Variants in LIN7A observed in about 807,000 individuals in gnomAD.
LIN7A encodes the protein lin-7 cell polarity scaffold A, also known as protein lin-7 homolog A.
Under a neutral mutation model 29.8 loss-of-function variants are expected in LIN7A, and 25 were observed. The observed-to-expected ratio is 0.84, with a 90% CI of 0.61 to 1.17. The LOEUF is 1.17. Ranked by LOEUF, LIN7A falls within the 50% of genes most tolerant of loss-of-function variation. The pLI, the probability that LIN7A is intolerant of heterozygous loss-of-function variation, is 0.00. For synonymous variants in LIN7A, 118 were observed against 107.5 expected, an observed-to-expected ratio of 1.10 and a Z score of -0.60; for missense variants, 239 against 287.0, an observed-to-expected ratio of 0.83 and a Z score of 1.21.
intron 2 of LIN7A, among the ~76,000 whole-genome samples, chr12:80,870,119 A>G (rs1357273931): frequency 6.6e-6 from 1 of 152,152 alleles, no homozygotes; most frequent in Non-Finnish European, 1.5e-5. Context: ...TAGGATCTCA[A>G]TGCACATGGT....
chr12:80,885,861 A>G (rs1431421700), intron 2 of LIN7A, among the ~76,000 whole-genome samples: 2 of 151,736 alleles, frequency 1.3e-5, no homozygotes, highest in Non-Finnish European at 2.9e-5. Context: ...GGTTTCATCC[A>G]AATGTAAAGC....
chr12:80,908,821 G>GT (rs1045342283), intron 1 of LIN7A, among the ~76,000 whole-genome samples: 17 of 148,392 alleles, frequency 1.1e-4, no homozygotes, highest in East Asian at 4.0e-4. Context: ...TCTTTTATTC[G>GT]TTTTTTTTTA....
intron 5 of LIN7A, among the ~76,000 whole-genome samples, chr12:80,798,259 G>A (rs1870547109): frequency 6.6e-6 from 1 of 152,182 alleles, no homozygotes; most frequent in African/African-American, 2.4e-5. Context: ...AGTCTTGCCA[G>A]ATACTACCCC....
In LIN7A at chr12:80,894,110, C is replaced by A. The variant is rs149351426; in HGVS notation, c.83-4741G>T. Among the ~76,000 whole-genome samples, 841 of 152,304 alleles carry A rather than the reference C, an allele frequency of 5.5e-3. 4 individuals are homozygous for A. Among genetic ancestry groups the A allele is most frequent in the African/African-American group, 0.015 (626 of 41,560 alleles). Reference sequence around the variant, plus strand: ...AAGGAAGCAAAAGAAGGCTTCGAGTCAGCAACATACTTTTATTCTTAAATC... The same window carrying A: ...AAGGAAGCAAAAGAAGGCTTCGAGTAAGCAACATACTTTTATTCTTAAATC... On this transcript the variant is annotated intron_variant, in intron 1 of 5. Transcript: ENST00000552864.
At chr12:80,912,461 T>C (rs953233185) in intron 1 of LIN7A, among the ~76,000 whole-genome samples, 1 of 152,028 alleles carries the variant, frequency 6.6e-6, no homozygotes, top group Non-Finnish European at 1.5e-5. Context: ...CACACCTGTA[T>C]TCCCAACAAT....
intron 4 of LIN7A, chr12:80,845,422 T>C (rs1289965333): frequency 8.0e-6 from 2 of 249,364 alleles, no homozygotes; most frequent in Non-Finnish European, 1.5e-5. Context: ...GGATAAAAAG[T>C]ATCTTGAAAT....
intron 4 of LIN7A, among the ~76,000 whole-genome samples, chr12:80,823,008 A>C (rs1871886550): frequency 6.6e-6 from 1 of 151,954 alleles, no homozygotes; most frequent in African/African-American, 2.4e-5. Context: ...GCCCATACAA[A>C]CCCCAGATTC....
At chr12:80,829,613 C>T (rs891555473) in intron 4 of LIN7A, among the ~76,000 whole-genome samples, 10 of 152,016 alleles carry the variant, frequency 6.6e-5, no homozygotes, top group Non-Finnish European at 1.5e-5. Context: ...AACAAACAAA[C>T]AAACTTGCAG....
intron 1 of LIN7A, among the ~76,000 whole-genome samples, chr12:80,925,691 C>G (rs762107169): frequency 5.9e-5 from 9 of 152,236 alleles, no homozygotes; most frequent in Non-Finnish European, 7.4e-5. Flanking sequence ...GTGATTCAAA[C>G]CCAGGTAGGA....
chr12:80,847,178 T>A (rs1873116549), intron 3 of LIN7A, among the ~76,000 whole-genome samples: 1 of 152,214 alleles, frequency 6.6e-6, no homozygotes, highest in Non-Finnish European at 1.5e-5. Flanking sequence ...GAAAATACTG[T>A]GCTATTGCAA....
In LIN7A at chr12:80,841,402, AGGAAGGAG is replaced by A. The variant is rs796830512; in HGVS notation, c.483+4320_483+4327del. On this transcript the variant is annotated intron_variant, in intron 4 of 5. Coordinates refer to ENST00000552864, the MANE Select transcript of LIN7A (RefSeq NM_004664.4). Reference sequence around the variant, plus strand: ...AAGGAAGGAAGGAAGGAAGGAAGGAAGGAAGGAGGGAAAGAAAGTACGAACAGCACCCT... The same window carrying A: ...AAGGAAGGAAGGAAGGAAGGAAGGAAGGAAAGAAAGTACGAACAGCACCCT... 9.9e-4 allele frequency among the ~76,000 whole-genome samples: 143 copies of A among 144,350 alleles called. 4 individuals are homozygous for A. In the South Asian group the frequency reaches 0.028, roughly 28 times the overall value. The allele number at this position is 144,350 out of a possible 152,430, so 94.7% of individuals were successfully genotyped here.
At chr12:80,874,567 C>A (rs1874587746) in intron 2 of LIN7A, among the ~76,000 whole-genome samples, 1 of 151,922 alleles carries the variant, frequency 6.6e-6, no homozygotes, top group Admixed American at 6.6e-5. Flanking sequence ...AAAGAAAGGA[C>A]AAAAAGGCAT....
chr12:80,892,705 A>G (rs915802212), intron 1 of LIN7A, among the ~76,000 whole-genome samples: 1 of 152,144 alleles, frequency 6.6e-6, no homozygotes. Flanking sequence ...CTTTAAAAAA[A>G]CACAAATGCC....
At chr12:80,906,493 C>T (rs1795518) in intron 1 of LIN7A, among the ~76,000 whole-genome samples, 147,678 of 152,070 alleles carry the variant, frequency 0.97, 71,840 homozygotes, top group East Asian at 1. Flanking sequence ...CTTGCTTTCA[C>T]TGGGGGTTGG....
At chr12:80,827,168 A>C (rs757934338) in intron 4 of LIN7A, among the ~76,000 whole-genome samples, 85 of 152,234 alleles carry the variant, frequency 5.6e-4, no homozygotes, top group East Asian at 5.8e-4. Context: ...TGAGCAGATC[A>C]CGAGGTCAGG....
chr12:80,842,144 C>A, intron 4 of LIN7A: 1 of 1,281,358 alleles, frequency 7.8e-7, no homozygotes, highest in Non-Finnish European at 1.0e-6. Flanking sequence ...AGGAAAAAAT[C>A]AATTGTTCAA....
At chr12:80,817,499 C>G (rs966476971) in intron 4 of LIN7A, among the ~76,000 whole-genome samples, 2 of 151,986 alleles carry the variant, frequency 1.3e-5, no homozygotes, top group Non-Finnish European at 2.9e-5. Flanking sequence ...GTTGGCTAGA[C>G]CTTGTAGTTA....
At chr12:80,860,060 T>TC (rs1873787170) in intron 2 of LIN7A, among the ~76,000 whole-genome samples, 1 of 152,234 alleles carries the variant, frequency 6.6e-6, no homozygotes. Flanking sequence ...TGCTTTTTTT[T>TC]CTTACAATCT....
intron 4 of LIN7A, among the ~76,000 whole-genome samples, chr12:80,818,305 T>G (rs1216113764): frequency 6.6e-6 from 1 of 152,206 alleles, no homozygotes. Flanking sequence ...TTCATACATA[T>G]AAATGTGTGT....
Sources: gnomAD v4.1 joint callset for allele counts (sites outside exome capture counted in the v4.1 genomes callset) on GRCh38, gnomAD v4.1.1 for gene constraint, MANE v1.5 for transcripts, NCBI Gene and HGNC (gene_info 2026-07-23, HGNC 2026-07-21) for gene names.